Variants in ASIC2 observed in about 807,000 individuals in gnomAD.
The protein encoded by ASIC2 is acid-sensing ion channel 2.
In ASIC2, 25 loss-of-function variants were observed where a neutral mutation model predicts 57.3. That is an observed-to-expected ratio of 0.44 (90% CI 0.32 to 0.61). The LOEUF (loss-of-function observed/expected upper bound fraction) is 0.61, where lower values mean the gene tolerates loss of function less well. Ranked by LOEUF, ASIC2 falls within the 20% of genes least tolerant of loss-of-function variation. The probability of loss-of-function intolerance (pLI) is 0.06; values close to 1 mark genes in which losing one functional copy is unlikely to be tolerated. For synonymous variants in ASIC2, 319 were observed against 307.5 expected (o/e 1.04, Z -0.39); for missense variants, 641 against 738.1 (o/e 0.87, Z 1.52).
intron 1 of ASIC2, among the ~76,000 whole-genome samples, chr17:33,142,894 T>TGAAA (rs1904379833): frequency 6.6e-6 from 1 of 152,248 alleles, no homozygotes; most frequent in South Asian, 2.1e-4. Flanking sequence ...TGTGGCCAGA[T>TGAAA]GAAAGGGTTG....
At chr17:33,798,426 T>G (rs968335196) in intron 1 of ASIC2, among the ~76,000 whole-genome samples, 9 of 152,140 alleles carry the variant, frequency 5.9e-5, no homozygotes, top group African/African-American at 2.2e-4. Flanking sequence ...ACGCATGAAT[T>G]AGCAGAGATC....
At chr17:34,036,075 A>T (rs543077310) in intron 1 of ASIC2, among the ~76,000 whole-genome samples, 22 of 152,258 alleles carry the variant, frequency 1.4e-4, no homozygotes, top group African/African-American at 5.3e-4. Context: ...ATGCACACAT[A>T]TGTTTATATC....
At chr17:33,631,510 T>G (rs1267718071) in intron 1 of ASIC2, among the ~76,000 whole-genome samples, 1 of 152,154 alleles carries the variant, frequency 6.6e-6, no homozygotes, top group Non-Finnish European at 1.5e-5. Flanking sequence ...GACGTTTTTG[T>G]ATCTCAGTTT....
chr17:33,411,935 G>A (rs780084210), intron 1 of ASIC2, among the ~76,000 whole-genome samples: 1 of 152,162 alleles, frequency 6.6e-6, no homozygotes, highest in Non-Finnish European at 1.5e-5. Flanking sequence ...GCAATCTTAT[G>A]AGTAGCCATC....
At chr17:33,078,248 A>G (rs934975537) in intron 3 of ASIC2, among the ~76,000 whole-genome samples, 1 of 152,090 alleles carries the variant, frequency 6.6e-6, no homozygotes, top group Non-Finnish European at 1.5e-5. Context: ...GAGTGGGTGC[A>G]GGAGCAGCCA....
intron 1 of ASIC2, among the ~76,000 whole-genome samples, chr17:33,729,011 T>A (rs1909652018): frequency 6.6e-6 from 1 of 152,126 alleles, no homozygotes; most frequent in Non-Finnish European, 1.5e-5. Context: ...AGTTCATTGG[T>A]CTCAATCCAG....
intron 1 of ASIC2, among the ~76,000 whole-genome samples, chr17:33,875,948 A>T (rs1404567301): frequency 6.6e-6 from 1 of 152,210 alleles, no homozygotes; most frequent in Non-Finnish European, 1.5e-5. Flanking sequence ...AAAATGTTTC[A>T]ATTAGAAAAA....
chr17:33,499,943 G>A (rs149117542), intron 1 of ASIC2, among the ~76,000 whole-genome samples: 83 of 152,248 alleles, frequency 5.5e-4, no homozygotes, highest in African/African-American at 1.9e-3. Flanking sequence ...CTTCTAGACT[G>A]TGAAGTCATA....
At chr17:33,777,728 A>T (rs370838247) in intron 1 of ASIC2, among the ~76,000 whole-genome samples, 12 of 152,336 alleles carry the variant, frequency 7.9e-5, no homozygotes, top group East Asian at 7.7e-4. Flanking sequence ...ATAAGCTGGA[A>T]AAAAGATTAC....
chr17:33,816,700 CCA>C (rs1218963272), intron 1 of ASIC2: 1 of 152,198 alleles, frequency 6.6e-6, no homozygotes, highest in Non-Finnish European at 1.5e-5. Flanking sequence ...TACTCACCAG[CCA>C]CAGAGAGGGG....
chr17:34,022,558 T>C (rs559712945), intron 1 of ASIC2, among the ~76,000 whole-genome samples: 2 of 150,758 alleles, frequency 1.3e-5, no homozygotes, highest in African/African-American at 4.9e-5. Context: ...AGAACTATGC[T>C]AGACACTTCA....
At chr17:33,773,722 A>G (rs535149814) in intron 1 of ASIC2, among the ~76,000 whole-genome samples, 6 of 149,482 alleles carry the variant, frequency 4.0e-5, no homozygotes, top group African/African-American at 1.5e-4. Context: ...TGGTGCAATC[A>G]TGACTCACTG....
At chr17:34,082,518 T>C (rs1418596329) in intron 1 of ASIC2, among the ~76,000 whole-genome samples, 1 of 152,226 alleles carries the variant, frequency 6.6e-6, no homozygotes, top group Admixed American at 6.5e-5. Flanking sequence ...CTGCATTGCC[T>C]GTTTTTTGCT....
chr17:33,880,301 A>C (rs1322990831), intron 1 of ASIC2, among the ~76,000 whole-genome samples: 1 of 152,250 alleles, frequency 6.6e-6, no homozygotes, highest in Admixed American at 6.5e-5. Flanking sequence ...CCTTCAAAAA[A>C]TCAATGAATC....
chr17:33,143,267 G>A lies in ASIC2; in HGVS notation c.709-31200C>T, dbSNP rs578202687. Among the ~76,000 whole-genome samples the A allele has an allele frequency of 2.0e-5, 3 of 152,312 alleles. No individual in the cohort carries two copies. The East Asian group carries it at 5.8e-4, about 29-fold the overall frequency. ...TGGACCACATTTAGGGACAAATATAGGTTGGACTTGAGGTGTGCTAAAGTC... is the reference window on the plus strand; with the variant it reads ...TGGACCACATTTAGGGACAAATATAAGTTGGACTTGAGGTGTGCTAAAGTC... On this transcript the variant is annotated intron_variant, in intron 1 of 9. Coordinates refer to ENST00000225823, the MANE Select transcript of ASIC2 (RefSeq NM_183377.2).
At chr17:33,615,665 G>T (rs892008287) in intron 1 of ASIC2, among the ~76,000 whole-genome samples, 1 of 152,086 alleles carries the variant, frequency 6.6e-6, no homozygotes, top group Non-Finnish European at 1.5e-5. Flanking sequence ...GTGCCATGGT[G>T]GTTTGCTGCA....
intron 1 of ASIC2, among the ~76,000 whole-genome samples, chr17:33,796,135 G>A (rs1911912730): frequency 6.6e-6 from 1 of 152,172 alleles, no homozygotes; most frequent in African/African-American, 2.4e-5. Context: ...AACCATAATT[G>A]TGTCGGAGGA....
intron 3 of ASIC2, among the ~76,000 whole-genome samples, chr17:33,078,207 G>C (rs1345450333): frequency 2.0e-5 from 3 of 152,094 alleles, no homozygotes; most frequent in Non-Finnish European, 1.5e-5. Context: ...CGAGAGATAA[G>C]CAGCCAGCTT....
chr17:33,932,761 T>G (rs1336382127), intron 1 of ASIC2: 3 of 127,276 alleles, frequency 2.4e-5, no homozygotes, highest in Non-Finnish European at 4.8e-5. Context: ...TATATATATA[T>G]AGTATGATAA....
Sources: allele counts gnomAD v4.1 joint callset (sites outside exome capture counted in the v4.1 genomes callset), GRCh38; gene constraint gnomAD v4.1.1; transcripts MANE v1.5; gene names NCBI Gene and HGNC (gene_info 2026-07-23, HGNC 2026-07-21).